The following GOSR2 variants were observed in gnomAD, a reference collection of about 807,000 sequenced individuals.
GOSR2 encodes 27 kDa Golgi SNARE protein.
Under a neutral mutation model 27.9 loss-of-function variants are expected in GOSR2, and 20 were observed. The observed-to-expected ratio is 0.72, with a 90% CI of 0.50 to 1.04. GOSR2 has a LOEUF of 1.04. GOSR2 is among the 50% of genes least tolerant of loss of function. The pLI is 0.00. For synonymous variants in GOSR2, 91 were observed against 98.8 expected (o/e 0.92, Z 0.47); for missense variants, 261 against 270.5 (o/e 0.97, Z 0.25).
intron 6 of GOSR2, among the ~76,000 whole-genome samples, chr17:46,960,958 C>A (rs1335447850): frequency 6.6e-6 from 1 of 151,658 alleles, no homozygotes. Context: ...TGCTCTACGT[C>A]AAAAAAGTAA....
At chr17:46,975,720 T>G (rs1198002891), downstream of GOSR2, among the ~76,000 whole-genome samples, 1 of 152,170 alleles carries the variant, frequency 6.6e-6, no homozygotes, top group Non-Finnish European at 1.5e-5. Flanking sequence ...GTGTGCAGAC[T>G]TGTACACCAC....
At chr17:46,972,238 C>T (rs998484189) in intron 6 of GOSR2, among the ~76,000 whole-genome samples, 3 of 152,232 alleles carry the variant, frequency 2.0e-5, no homozygotes, top group African/African-American at 7.2e-5. Flanking sequence ...CCACCCGCTT[C>T]TTCCTCCTCT....
chr17:46,966,608 C>A, exon 7 of GOSR2: 1 of 687,322 alleles, frequency 1.5e-6, no homozygotes, highest in Non-Finnish European at 2.7e-6. Flanking sequence ...ATCAGCCTCC[C>A]GAAGTGCTGG....
chr17:46,936,502 T>C (rs2088388047), intron 5 of GOSR2: 1 of 985,556 alleles, frequency 1.0e-6, no homozygotes, highest in Non-Finnish European at 1.2e-6. Flanking sequence ...TGTTTGTCTC[T>C]TGATTCCCTC....
chr17:46,942,593 G>T (rs2089426871), downstream of GOSR2, among the ~76,000 whole-genome samples: 1 of 152,232 alleles, frequency 6.6e-6, no homozygotes, highest in Non-Finnish European at 1.5e-5. Flanking sequence ...GAGCTATAAG[G>T]TGTTTGCTGC....
chr17:46,953,443 A>G (rs1013539850), intron 6 of GOSR2, among the ~76,000 whole-genome samples: 3 of 152,184 alleles, frequency 2.0e-5, no homozygotes, highest in Non-Finnish European at 4.4e-5. Context: ...AATCCAGTCT[A>G]TCATTGTTGG....
chr17:46,938,535 C>G (rs1306637443), intron 5 of GOSR2, 64 bp from the exon 6 acceptor site: 2 of 1,609,172 alleles, frequency 1.2e-6, no homozygotes, highest in African/African-American at 2.7e-5. Context: ...CTCCTGATGC[C>G]ATTCACCCAC....
chr17:46,965,616 C>T (rs1467537001), intron 6 of GOSR2, among the ~76,000 whole-genome samples: 1 of 68,626 alleles, frequency 1.5e-5, no homozygotes, highest in Non-Finnish European at 3.1e-5. Context: ...TCCAGCAATG[C>T]TATGCCTTCT....
chr17:46,966,247 T>C (rs1386869466), intron 6 of GOSR2, among the ~76,000 whole-genome samples: 2 of 152,150 alleles, frequency 1.3e-5, no homozygotes, highest in Non-Finnish European at 2.9e-5. Flanking sequence ...ATTTAAAAAA[T>C]GTAATTGAGA....
downstream of GOSR2, among the ~76,000 whole-genome samples, chr17:46,969,518 T>C (rs1412768646): frequency 2.0e-5 from 3 of 152,206 alleles, no homozygotes; most frequent in Non-Finnish European, 4.4e-5. Flanking sequence ...TGCTTTCTTA[T>C]GCCTGGAGAC....
chr17:46,952,770 G>C (rs2090452935), intron 6 of GOSR2: 1 of 152,198 alleles, frequency 6.6e-6, no homozygotes, highest in African/African-American at 2.4e-5. Flanking sequence ...ATTGAGCCAT[G>C]CCTGAAGCCT....
downstream of GOSR2, among the ~76,000 whole-genome samples, chr17:46,967,600 T>G (rs1225601446): frequency 1.4e-4 from 21 of 152,162 alleles, no homozygotes; most frequent in Admixed American, 1.4e-3. Flanking sequence ...CAGTGTTCTC[T>G]GGGTACAGCA....
rs546268957 is a variant in GOSR2 at position 46,954,205 on chromosome 17, C to T, written c.584-12329C>T. 6.6e-4 allele frequency among the ~76,000 whole-genome samples: 100 copies of T among 152,210 alleles called. 3 individuals carry two copies. In the South Asian group the frequency reaches 0.02, roughly 30 times the overall value. On this transcript the variant is annotated intron_variant, in intron 6 of 6. Coordinates refer to the GOSR2 transcript ENST00000573224. ...AAGTCTTTAATCCATCTTGAATTAACTTTTGTATAAGGTGTAAGGAAGGGA... is the reference window on the plus strand; with the variant it reads ...AAGTCTTTAATCCATCTTGAATTAATTTTTGTATAAGGTGTAAGGAAGGGA...
chr17:46,966,934 C>G, exon 7 of GOSR2: 1 of 383,574 alleles, frequency 2.6e-6, no homozygotes, highest in African/African-American at 2.1e-5. Context: ...TTGAATCTGG[C>G]TAGAGAAAAT....
At chr17:46,958,746 A>T (rs17677363) in intron 6 of GOSR2, among the ~76,000 whole-genome samples, 12,853 of 152,276 alleles carry the variant, frequency 0.084, 785 homozygotes, top group Non-Finnish European at 0.12. Context: ...CTTCCGGCGA[A>T]GTCAAAGGTT....
chr17:46,925,208 T>C (rs1846811752), intron 1 of GOSR2, among the ~76,000 whole-genome samples: 1 of 152,218 alleles, frequency 6.6e-6, no homozygotes, highest in Admixed American at 6.5e-5. Context: ...TGCTGTTATA[T>C]TGGGAAAACA....
At chr17:46,952,030 A>G (rs998329969) in intron 6 of GOSR2, among the ~76,000 whole-genome samples, 2 of 152,210 alleles carry the variant, frequency 1.3e-5, no homozygotes. Context: ...TATATATTGC[A>G]TCAGGGAGAG....
At chr17:46,968,882 C>T (rs2091362704), downstream of GOSR2, 1 of 152,350 alleles carries the variant, frequency 6.6e-6, no homozygotes, top group Non-Finnish European at 1.5e-5. Context: ...TGTAATTGGT[C>T]TGGGGTGCAA....
intron 1 of GOSR2, chr17:46,923,468 C>T (rs1598905640): frequency 2.1e-6 from 3 of 1,399,844 alleles, no homozygotes; most frequent in Non-Finnish European, 2.8e-6. Flanking sequence ...TTCGTGACTA[C>T]CTGCTGGGTA....
Sources: allele counts gnomAD v4.1 joint callset (sites outside exome capture counted in the v4.1 genomes callset), GRCh38; gene constraint gnomAD v4.1.1; transcripts MANE v1.5; gene names NCBI Gene and HGNC (gene_info 2026-07-23, HGNC 2026-07-21).